CAMKMT: variants seen among roughly 807,000 people sequenced by gnomAD.
CAMKMT encodes CaM KMT.
A neutral mutation model predicts 48.0 loss-of-function variants in CAMKMT; 53 were observed. The observed-to-expected ratio is 1.10, with a 90% CI of 0.89 to 1.39. CAMKMT has a LOEUF of 1.39. CAMKMT is among the 40% of genes most tolerant of loss of function. The pLI is 0.00. For missense variants in CAMKMT, 428 were observed against 402.7 expected, an observed-to-expected ratio of 1.06 and a Z score of -0.54; for synonymous variants, 165 against 152.3, an observed-to-expected ratio of 1.08 and a Z score of -0.61.
At chr2:44,556,450 C>CTTTTT (rs1176467214) in intron 3 of CAMKMT, among the ~76,000 whole-genome samples, 109 of 50,288 alleles carry the variant, frequency 2.2e-3, no homozygotes, top group East Asian at 9.5e-3. Flanking sequence ...ATTTTTCTTT[C>CTTTTT]TTTTTTTTTT....
chr2:44,507,763 A>G (rs1670335142), intron 3 of CAMKMT, among the ~76,000 whole-genome samples: 2 of 152,200 alleles, frequency 1.3e-5, no homozygotes. Context: ...GACTGAGAGG[A>G]GTTTAGCAGC....
chr2:44,435,595 T>C (rs982364813), intron 3 of CAMKMT, among the ~76,000 whole-genome samples: 4 of 152,218 alleles, frequency 2.6e-5, no homozygotes, highest in African/African-American at 9.6e-5. Context: ...GAATCAAAAA[T>C]AGATTCTGGC....
intron 3 of CAMKMT, among the ~76,000 whole-genome samples, chr2:44,416,029 T>G (rs1328217116): frequency 6.6e-6 from 1 of 152,238 alleles, no homozygotes; most frequent in Non-Finnish European, 1.5e-5. Flanking sequence ...TCAAAATCCT[T>G]TTAAGATACT....
intron 3 of CAMKMT, among the ~76,000 whole-genome samples, chr2:44,467,781 G>T (rs1372351119): frequency 6.6e-6 from 1 of 152,094 alleles, no homozygotes; most frequent in Non-Finnish European, 1.5e-5. Context: ...GTAAATAGTG[G>T]TGGGAAAACT....
At chr2:44,413,919 G>C (rs903699618) in intron 3 of CAMKMT, among the ~76,000 whole-genome samples, 2 of 152,154 alleles carry the variant, frequency 1.3e-5, no homozygotes, top group African/African-American at 4.8e-5. Context: ...ATATTTTCAT[G>C]CCTGATTTAT....
At chr2:44,500,042 G>A (rs546046926) in intron 3 of CAMKMT, among the ~76,000 whole-genome samples, 7 of 152,208 alleles carry the variant, frequency 4.6e-5, no homozygotes, top group Non-Finnish European at 8.8e-5. Flanking sequence ...ATAGCTTCAA[G>A]AAGTAAATAC....
At chr2:44,372,968 T>A in intron 2 of CAMKMT, 80 bp downstream of exon 2, 2 of 1,281,556 alleles carry the variant, frequency 1.6e-6, no homozygotes, top group Non-Finnish European at 2.2e-6. Flanking sequence ...GAATCATCAT[T>A]ATTTATTCTA....
At chr2:44,752,488 G>T (rs1053349698) in intron 8 of CAMKMT, among the ~76,000 whole-genome samples, 4 of 152,132 alleles carry the variant, frequency 2.6e-5, no homozygotes, top group African/African-American at 9.7e-5. Context: ...GCTCTGTTCT[G>T]CATGCCTTCG....
chr2:44,673,592 T>C (rs1342444105), intron 3 of CAMKMT, among the ~76,000 whole-genome samples: 6 of 151,872 alleles, frequency 4.0e-5, no homozygotes, highest in African/African-American at 1.2e-4. Flanking sequence ...AGCTTGCTTA[T>C]CAAAAGGCAA....
At chr2:44,487,098 G>A (rs1349251964) in intron 3 of CAMKMT, among the ~76,000 whole-genome samples, 1 of 152,060 alleles carries the variant, frequency 6.6e-6, no homozygotes, top group African/African-American at 2.4e-5. Context: ...TAAATTTTAC[G>A]ATAAACTAAA....
intron 7 of CAMKMT, 45 bp from the exon 8 acceptor site, chr2:44,743,576 TA>T (rs755799264): frequency 2.4e-5 from 34 of 1,415,478 alleles, no homozygotes; most frequent in South Asian, 1.0e-4. Flanking sequence ...AATCAAAATT[TA>T]AAAAAAACCC....
intron 6 of CAMKMT, among the ~76,000 whole-genome samples, chr2:44,712,210 T>A (rs1677920234): frequency 6.6e-6 from 1 of 152,092 alleles, no homozygotes; most frequent in Non-Finnish European, 1.5e-5. Context: ...GTTTATATTA[T>A]AATCTCATAG....
At chr2:44,456,596 T>C (rs1572913429) in intron 3 of CAMKMT, 2 of 1,549,676 alleles carry the variant, frequency 1.3e-6, no homozygotes, top group South Asian at 1.2e-5. Flanking sequence ...AATGAAGATA[T>C]CACCATCAGT....
Position 44,565,341 on chromosome 2 carries a change from G to A in CAMKMT, c.377-138942G>A, listed in dbSNP as rs564541780. Among the ~76,000 whole-genome samples, 13 of 152,310 alleles carry A rather than the reference G, an allele frequency of 8.5e-5. No individual in the cohort carries two copies. In the East Asian group the frequency reaches 2.5e-3, roughly 29 times the overall value. On this transcript the variant is annotated intron_variant, in intron 3 of 10. Coordinates refer to ENST00000378494, the MANE Select transcript of CAMKMT (RefSeq NM_024766.5). ...GAACACTGAATTGCAGCAAGAAGATGTAGCTGTAAAGCTTTGGCACTAACT... is the reference window on the plus strand; with the variant it reads ...GAACACTGAATTGCAGCAAGAAGATATAGCTGTAAAGCTTTGGCACTAACT...
intron 3 of CAMKMT, among the ~76,000 whole-genome samples, chr2:44,628,537 CT>C (rs1672625173): frequency 6.6e-6 from 1 of 150,746 alleles, no homozygotes; most frequent in African/African-American, 2.4e-5. Context: ...GATTTCAAAC[CT>C]TTTTTTCTAA....
intron 3 of CAMKMT, among the ~76,000 whole-genome samples, chr2:44,676,985 A>G (rs1675734710): frequency 1.3e-5 from 2 of 152,056 alleles, no homozygotes; most frequent in African/African-American, 2.4e-5. Flanking sequence ...TTTTAGCATT[A>G]TGTTTTATTT....
At chr2:44,683,684 G>C (rs1045174584) in intron 3 of CAMKMT, among the ~76,000 whole-genome samples, 1 of 151,766 alleles carries the variant, frequency 6.6e-6, no homozygotes, top group East Asian at 1.9e-4. Flanking sequence ...TTAGGCGGGC[G>C]TGGTGGCGGA....
intron 3 of CAMKMT, among the ~76,000 whole-genome samples, chr2:44,536,472 C>A (rs1425476929): frequency 6.6e-6 from 1 of 151,482 alleles, no homozygotes; most frequent in African/African-American, 2.4e-5. Context: ...TTATAGGTGC[C>A]CGCCACCGTG....
intron 3 of CAMKMT, among the ~76,000 whole-genome samples, chr2:44,396,175 G>A (rs1282777262): frequency 6.6e-6 from 1 of 152,042 alleles, no homozygotes; most frequent in East Asian, 1.9e-4. Context: ...AGATATTTCA[G>A]ATGAATAATT....
Sources: gnomAD v4.1 joint callset for allele counts (sites outside exome capture counted in the v4.1 genomes callset) on GRCh38, gnomAD v4.1.1 for gene constraint, MANE v1.5 for transcripts, NCBI Gene and HGNC (gene_info 2026-07-23, HGNC 2026-07-21) for gene names.